Variants in SATL1 observed in about 807,000 individuals in gnomAD.
SATL1 encodes the protein spermidine/spermine N1-acetyl transferase like 1, also known as spermidine/spermine N(1)-acetyltransferase-like protein 1.
Under a neutral mutation model 51.8 loss-of-function variants are expected in SATL1, and 47 were observed. That is an observed-to-expected ratio of 0.91 (90% confidence interval 0.72 to 1.16). The LOEUF (loss-of-function observed/expected upper bound fraction) is 1.16, where lower values mean the gene tolerates loss of function less well. SATL1 is among the 50% of genes most tolerant of loss of function. The pLI, the probability that SATL1 is intolerant of heterozygous loss-of-function variation, is 0.00. For synonymous variants in SATL1, 176 were observed against 182.4 expected (o/e 0.97, Z 0.28); for missense variants, 520 against 526.4 (o/e 0.99, Z 0.12).
chrX:85,111,277 T>C (rs1045576154), intron 2 of SATL1, among the ~76,000 whole-genome samples: 2 of 111,526 alleles, frequency 1.8e-5, no homozygotes, highest in African/African-American at 6.7e-5. Flanking sequence ...TTTACATGAG[T>C]TGAAGACTAT....
chrX:85,142,290 GGAGGCTGAGGCAGGAGAAT>G (rs1926127820), intron 2 of SATL1, among the ~76,000 whole-genome samples: 1 of 105,776 alleles, frequency 9.5e-6, no homozygotes, highest in African/African-American at 3.5e-5. Context: ...CAGCTACTCA[GGAGGCTGAGGCAGGAGAAT>G]GGCGTGAACC....
At chrX:85,202,878 C>A (rs1400144686) in intron 2 of SATL1, among the ~76,000 whole-genome samples, 1 of 111,777 alleles carries the variant, frequency 8.9e-6, no homozygotes, top group Non-Finnish European at 1.9e-5. Flanking sequence ...GTGGCAAGGG[C>A]AGTTCCACTG....
At chrX:85,236,867 TC>T (rs1928491049) in intron 1 of SATL1, among the ~76,000 whole-genome samples, 1 of 111,425 alleles carries the variant, frequency 9.0e-6, no homozygotes, top group Non-Finnish European at 1.9e-5. Flanking sequence ...ATAAAGGGCA[TC>T]TGAATTTAAA....
chrX:85,100,957 G>A (rs768865005), intron 4 of SATL1, among the ~76,000 whole-genome samples: 5 of 111,932 alleles, frequency 4.5e-5, no homozygotes, highest in East Asian at 5.6e-4. Flanking sequence ...GAAAAGGACC[G>A]TCTTTTCAAC....
At chrX:85,196,078 G>A (rs1927554599) in intron 2 of SATL1, among the ~76,000 whole-genome samples, 1 of 109,414 alleles carries the variant, frequency 9.1e-6, no homozygotes, top group East Asian at 2.9e-4. Flanking sequence ...GTTATACTGA[G>A]CCTGTGGTTG....
chrX:85,144,791 C>G (rs1602865180), intron 2 of SATL1, among the ~76,000 whole-genome samples: 1 of 111,584 alleles, frequency 9.0e-6, no homozygotes, highest in African/African-American at 3.3e-5. Context: ...ACTCAGGAGG[C>G]TGAGACGGCT....
chrX:85,164,493 T>C (rs1926789371), intron 2 of SATL1, among the ~76,000 whole-genome samples: 1 of 111,516 alleles, frequency 9.0e-6, no homozygotes, highest in African/African-American at 3.3e-5. Flanking sequence ...CATTCATTTA[T>C]AAAGCCTAGT....
At chrX:85,206,391 A>G (rs1219236343) in intron 2 of SATL1, among the ~76,000 whole-genome samples, 1 of 111,642 alleles carries the variant, frequency 9.0e-6, no homozygotes, top group Non-Finnish European at 1.9e-5. Flanking sequence ...AAATAGCAAT[A>G]AGAGAAAAAC....
intron 1 of SATL1, among the ~76,000 whole-genome samples, chrX:85,228,311 G>T (rs940345808): frequency 2.7e-5 from 3 of 110,772 alleles, no homozygotes; most frequent in African/African-American, 9.8e-5. Context: ...CCTATTCAAA[G>T]ATGTCATTCC....
intron 1 of SATL1, among the ~76,000 whole-genome samples, chrX:85,237,121 C>T (rs1272442362): frequency 2.7e-5 from 3 of 110,981 alleles, no homozygotes; most frequent in Admixed American, 1.9e-4. Flanking sequence ...AACTATAAAA[C>T]ACTGATGAAA....
At chrX:85,147,341 C>A (rs1411755306) in intron 2 of SATL1, among the ~76,000 whole-genome samples, 1 of 112,369 alleles carries the variant, frequency 8.9e-6, no homozygotes, top group South Asian at 3.7e-4. Context: ...GTGGAGCCCA[C>A]CACAGCTCAA....
In SATL1 at chrX:85,217,289, C is replaced by A. The variant is rs549336905; in HGVS notation, c.-313+6916G>T. On this transcript the variant is annotated intron_variant, in intron 2 of 7. Transcript: ENST00000644105. ...TCAGTATTACCCTTAATTATAGCCA[C>A]CAAAAGCAAAGCAATATTGGTACAA... Among the ~76,000 whole-genome samples, 4 of 110,911 alleles carry A rather than the reference C, an allele frequency of 3.6e-5. No homozygotes were observed. In the South Asian group the frequency reaches 1.6e-3, roughly 43 times the overall value.
chrX:85,162,149 A>T (rs952878195), intron 2 of SATL1, among the ~76,000 whole-genome samples: 18 of 111,996 alleles, frequency 1.6e-4, no homozygotes, highest in African/African-American at 4.5e-4. Flanking sequence ...AGAATCTCTG[A>T]GATACAGCTA....
intron 2 of SATL1, among the ~76,000 whole-genome samples, chrX:85,199,673 A>G (rs995852691): frequency 9.0e-6 from 1 of 111,607 alleles, no homozygotes; most frequent in Non-Finnish European, 1.9e-5. Context: ...TAAACCAGGC[A>G]CAGAAAGACA....
chrX:85,151,721 A>T (rs1262371898), intron 2 of SATL1, among the ~76,000 whole-genome samples: 4 of 111,839 alleles, frequency 3.6e-5, no homozygotes, highest in African/African-American at 1.3e-4. Context: ...TGGGGAAAGA[A>T]TTCCCTATTT....
At chrX:85,188,904 A>G (rs1359285297) in intron 2 of SATL1, among the ~76,000 whole-genome samples, 1 of 111,576 alleles carries the variant, frequency 9.0e-6, no homozygotes, top group African/African-American at 3.3e-5. Context: ...TAGTTCTCAT[A>G]CTGAATTAAA....
intron 2 of SATL1, among the ~76,000 whole-genome samples, chrX:85,112,513 C>T (rs981219044): frequency 9.0e-6 from 1 of 111,454 alleles, no homozygotes; most frequent in Non-Finnish European, 1.9e-5. Context: ...CCAATTCTTC[C>T]CTTGGGCGGG....
chrX:85,228,279 G>T (rs1213061671), intron 1 of SATL1, among the ~76,000 whole-genome samples: 1 of 111,007 alleles, frequency 9.0e-6, no homozygotes, highest in Non-Finnish European at 1.9e-5. Flanking sequence ...CTTCATTTGT[G>T]TACTAGAACA....
At chrX:85,136,684 G>T (rs923408634) in intron 2 of SATL1, among the ~76,000 whole-genome samples, 2 of 111,917 alleles carry the variant, frequency 1.8e-5, no homozygotes, top group African/African-American at 3.2e-5. Context: ...GAATAAAAAT[G>T]CAGTAGGCTG....
Sources: gnomAD v4.1 joint callset for allele counts (sites outside exome capture counted in the v4.1 genomes callset) on GRCh38, gnomAD v4.1.1 for gene constraint, MANE v1.5 for transcripts, NCBI Gene and HGNC (gene_info 2026-07-23, HGNC 2026-07-21) for gene names.